Variants in TBXAS1 observed in about 807,000 individuals in gnomAD.
TBXAS1 encodes thromboxane-A synthase.
A neutral mutation model predicts 60.7 loss-of-function variants in TBXAS1; 48 were observed. The observed-to-expected ratio is 0.79, with a 90% CI of 0.63 to 1.01. TBXAS1 has a LOEUF of 1.01. TBXAS1 is among the 50% of genes least tolerant of loss of function. The pLI is 0.00. For synonymous variants in TBXAS1, 287 were observed against 269.7 expected, an observed-to-expected ratio of 1.06 and a Z score of -0.63; for missense variants, 685 against 686.3, an observed-to-expected ratio of 1.00 and a Z score of 0.02.
intron 1 of TBXAS1, among the ~76,000 whole-genome samples, chr7:139,832,098 A>T (rs1798738967): frequency 6.6e-6 from 1 of 152,088 alleles, no homozygotes; most frequent in African/African-American, 2.4e-5. Context: ...TTCTGAGGGG[A>T]CCCACAGACC....
intron 3 of TBXAS1, among the ~76,000 whole-genome samples, chr7:139,879,832 T>TTGTGTGTGTGTGTG (rs57176056): frequency 1.6e-4 from 23 of 140,428 alleles, no homozygotes; most frequent in African/African-American, 4.6e-4. Context: ...TTATCTCATT[T>TTGTGTGTGTGTGTG]TGTGTGTGTG....
intron 3 of TBXAS1, among the ~76,000 whole-genome samples, chr7:139,889,176 A>C (rs1803353616): frequency 6.6e-6 from 1 of 152,042 alleles, no homozygotes; most frequent in Non-Finnish European, 1.5e-5. Context: ...TACAAAAAAT[A>C]CCAAAATTAG....
chr7:139,847,400 G>T (rs949495870), intron 1 of TBXAS1, among the ~76,000 whole-genome samples: 1 of 152,086 alleles, frequency 6.6e-6, no homozygotes, highest in African/African-American at 2.4e-5. Flanking sequence ...CAGATCTTTT[G>T]TTTCCTGCTC....
intron 3 of TBXAS1, among the ~76,000 whole-genome samples, chr7:139,883,298 C>A (rs1802834013): frequency 6.6e-6 from 1 of 152,190 alleles, no homozygotes; most frequent in African/African-American, 2.4e-5. Context: ...TACAAAGCTT[C>A]CATGCTTTCT....
At chr7:139,865,165 A>G (rs1490058788) in intron 1 of TBXAS1, among the ~76,000 whole-genome samples, 1 of 152,148 alleles carries the variant, frequency 6.6e-6, no homozygotes, top group East Asian at 1.9e-4. Context: ...GAGGATGAGG[A>G]TGCCAGGGTG....
At chr7:139,950,232 C>G (rs1809090560) in intron 5 of TBXAS1, among the ~76,000 whole-genome samples, 1 of 151,910 alleles carries the variant, frequency 6.6e-6, no homozygotes, top group Non-Finnish European at 1.5e-5. Context: ...GGGGTTCACT[C>G]TGCTGGCCCG....
intron 5 of TBXAS1, among the ~76,000 whole-genome samples, chr7:139,952,014 A>AAAGAGAG (rs1569518460): frequency 1.0e-4 from 4 of 40,080 alleles, no homozygotes; most frequent in East Asian, 5.4e-4. Flanking sequence ...AAGAAAGAAA[A>AAAGAGAG]AGAAAGGAAG....
chr7:139,835,850 T>C (rs901390708), intron 1 of TBXAS1, among the ~76,000 whole-genome samples: 1 of 152,118 alleles, frequency 6.6e-6, no homozygotes, highest in African/African-American at 2.4e-5. Flanking sequence ...CACTGTTTGC[T>C]GACAATACAA....
chr7:139,861,851 A>G (rs1800990010), intron 1 of TBXAS1, among the ~76,000 whole-genome samples: 1 of 152,178 alleles, frequency 6.6e-6, no homozygotes, highest in African/African-American at 2.4e-5. Context: ...TGGGGGATCC[A>G]GGGGAATATT....
At chr7:139,882,573 T>C (rs1393967907) in intron 3 of TBXAS1, among the ~76,000 whole-genome samples, 2 of 152,328 alleles carry the variant, frequency 1.3e-5, no homozygotes, top group South Asian at 2.1e-4. Context: ...TACTAAATGT[T>C]TGACCCAAAA....
At chr7:139,887,452 C>T (rs1201564877) in intron 3 of TBXAS1, among the ~76,000 whole-genome samples, 2 of 152,136 alleles carry the variant, frequency 1.3e-5, no homozygotes, top group Admixed American at 6.5e-5. Context: ...CAGGCCCTGA[C>T]AACCACCATT....
intron 2 of TBXAS1, among the ~76,000 whole-genome samples, chr7:139,875,231 C>T (rs1802138593): frequency 6.6e-6 from 1 of 152,178 alleles, no homozygotes; most frequent in Admixed American, 6.5e-5. Context: ...TTGATAGACT[C>T]AGTAGAAGTT....
In TBXAS1 at chr7:140,017,701, G is replaced by A. The variant is rs1815190456; in HGVS notation, c.1395G>A (p.Arg465=). The A allele has an allele frequency of 6.2e-7, 1 of 1,613,702 alleles. No homozygotes were observed. Among genetic ancestry groups the A allele is most frequent in the South Asian group, 1.1e-5 (1 of 91,058 alleles). ...RFTAEARQQH[R]PFTYLPFGAG... is the part of the protein sequence containing the mutation. ...CGGCTGAGGCCCGGCAGCAGCACCGGCCCTTCACGTACCTGCCCTTCGGGG... is the reference window on the plus strand; with the variant it reads ...CGGCTGAGGCCCGGCAGCAGCACCGACCCTTCACGTACCTGCCCTTCGGGG... Residue 465 remains arginine (R), a synonymous_variant, in exon 12 of 13, where the codon CGG becomes CGA. Transcript: ENST00000448866.
intron 3 of TBXAS1, among the ~76,000 whole-genome samples, chr7:139,888,313 C>T (rs975050573): frequency 1.3e-5 from 2 of 152,196 alleles, no homozygotes; most frequent in Admixed American, 6.5e-5. Context: ...CTCACTGTGG[C>T]CTTTGTGTCT....
rs774664227 is a variant in TBXAS1 at position 139,936,188 on chromosome 7, C to T, written c.334-3C>T. On this transcript the variant is annotated splice_polypyrimidine_tract_variant and splice_region_variant and intron_variant, in intron 4 of 12. Coordinates refer to ENST00000448866, the MANE Select transcript of TBXAS1 (RefSeq NM_001061.7). ...TGACCCTCTGCTTGTTACTTCCCAA[C>T]AGGCGTCGGGTTTGGAGTTCAAGTC... 6.2e-6 allele frequency: 10 copies of T among 1,614,042 alleles called. No individual in the cohort carries two copies. In the South Asian group the frequency reaches 8.8e-5, roughly 14 times the overall value.
At chr7:139,846,422 A>G (rs1008528041) in intron 1 of TBXAS1, among the ~76,000 whole-genome samples, 3 of 152,192 alleles carry the variant, frequency 2.0e-5, no homozygotes, top group Non-Finnish European at 2.9e-5. Flanking sequence ...GGATACTAAT[A>G]GTACCTACCT....
At chr7:139,781,376 CAG>C (rs1318170185) in intron 2 of TBXAS1, among the ~76,000 whole-genome samples, 2 of 152,120 alleles carry the variant, frequency 1.3e-5, no homozygotes, top group African/African-American at 2.4e-5. Context: ...GGATCTGTGA[CAG>C]AACCTGGGGA....
chr7:139,950,316 C>T (rs1809099045), intron 5 of TBXAS1, among the ~76,000 whole-genome samples: 1 of 152,014 alleles, frequency 6.6e-6, no homozygotes, highest in African/African-American at 2.4e-5. Context: ...GATTATAGAC[C>T]TGAGCCACCA....
At chr7:139,983,179 C>T (rs186886293) in intron 9 of TBXAS1, among the ~76,000 whole-genome samples, 56 of 152,204 alleles carry the variant, frequency 3.7e-4, no homozygotes, top group Admixed American at 1.2e-3. Context: ...TGTCTTGGTA[C>T]GCACCCTCTG....
Sources: allele counts gnomAD v4.1 joint callset (sites outside exome capture counted in the v4.1 genomes callset), GRCh38; gene constraint gnomAD v4.1.1; transcripts MANE v1.5; gene names NCBI Gene and HGNC (gene_info 2026-07-23, HGNC 2026-07-21).